Variants in MARCHF5 observed in about 807,000 individuals in gnomAD.
MARCHF5 encodes E3 ubiquitin-protein ligase MARCHF5.
In MARCHF5, 5 loss-of-function variants were observed where a neutral mutation model predicts 36.5. That is an observed-to-expected ratio of 0.14 (90% CI 0.07 to 0.29). The LOEUF (loss-of-function observed/expected upper bound fraction) is 0.29. MARCHF5 is among the 10% of genes least tolerant of loss of function. MARCHF5 has a pLI of 1.00. For missense variants in MARCHF5, 179 were observed against 336.3 expected (o/e 0.53, Z 3.66); for synonymous variants, 103 against 109.9 (o/e 0.94, Z 0.39).
intron 1 of MARCHF5, among the ~76,000 whole-genome samples, chr10:92,307,008 A>G (rs1843081345): frequency 1.3e-5 from 2 of 152,068 alleles, no homozygotes; most frequent in Non-Finnish European, 2.9e-5. Context: ...AGTGAGACTC[A>G]GTCTCAAAAA....
At position 92,349,331 on chromosome 10, in the gene MARCHF5, A is replaced by G. The variant is rs1406009777; in HGVS notation, c.370-18A>G. The stretch of plus-strand genomic sequence containing the variant: ...TTTGAAAAAGAAGTAATTCTAATAT[A>G]TGCTATCTGTTTCACAGGTTGTAGG... On this transcript the variant is annotated intron_variant, in intron 3 of 5. Transcript: ENST00000358935. 3.8e-6 allele frequency: 6 copies of G among 1,568,076 alleles called. No individual in the cohort carries two copies. In the African/African-American group the frequency reaches 4.1e-5, roughly 11 times the overall value.
intron 1 of MARCHF5, among the ~76,000 whole-genome samples, chr10:92,309,140 G>C (rs1843116028): frequency 6.6e-6 from 1 of 152,174 alleles, no homozygotes; most frequent in South Asian, 2.1e-4. Flanking sequence ...AGCAAATATA[G>C]CAGAATAAGA....
chr10:92,348,491 AAAC>A (rs1210114101), intron 3 of MARCHF5, among the ~76,000 whole-genome samples: 1 of 152,176 alleles, frequency 6.6e-6, no homozygotes, highest in East Asian at 1.9e-4. Flanking sequence ...TCCATCTCAA[AAAC>A]AACAACAAAA....
rs564789201 is a variant in MARCHF5, at chr10:92,321,228, G to GT, written c.238+9892dup. On this transcript the variant is annotated intron_variant, in intron 2 of 5. Coordinates refer to ENST00000358935, the MANE Select transcript of MARCHF5 (RefSeq NM_017824.5). Reference sequence around the variant, plus strand: ...GTGGATACCCATCATTGAGTAACACGTGAGTGTATGTTAACTGGGTTTTTC... The same window carrying GT: ...GTGGATACCCATCATTGAGTAACACGTTGAGTGTATGTTAACTGGGTTTTTC... Among the ~76,000 whole-genome samples, 211 of 152,188 alleles carry GT rather than the reference G, an allele frequency of 1.4e-3. 4 individuals are homozygous for GT. Among genetic ancestry groups the GT allele is most frequent in the Non-Finnish European group, 2.3e-3 (156 of 68,038 alleles).
At chr10:92,337,696 A>G (rs1843521023) in intron 2 of MARCHF5, among the ~76,000 whole-genome samples, 1 of 152,038 alleles carries the variant, frequency 6.6e-6, no homozygotes, top group African/African-American at 2.4e-5. Flanking sequence ...AGTAAAGAGT[A>G]GGGAGAAATT....
rs577667057 is a variant in MARCHF5, at chr10:92,336,225, C to T, written c.239-4448C>T. Among the ~76,000 whole-genome samples, 39 of 152,212 alleles carry T rather than the reference C, an allele frequency of 2.6e-4. No homozygotes were observed. In the South Asian group the frequency reaches 7.9e-3, roughly 31 times the overall value. On this transcript the variant is annotated intron_variant, in intron 2 of 5. Coordinates refer to ENST00000358935, the MANE Select transcript of MARCHF5 (RefSeq NM_017824.5). The stretch of plus-strand genomic sequence containing the variant: ...TAATTGTTTGTATTTTTAGTAGAAA[C>T]GGGGTTTCACCATGTTAGCCATGCT...
intron 1 of MARCHF5, among the ~76,000 whole-genome samples, chr10:92,294,648 T>C (rs958769888): frequency 1.3e-5 from 2 of 152,222 alleles, no homozygotes; most frequent in Admixed American, 6.5e-5. Flanking sequence ...CTCAGATAAC[T>C]GTTCATTTGT....
At chr10:92,313,400 C>G (rs1054851663) in intron 2 of MARCHF5, among the ~76,000 whole-genome samples, 1 of 150,806 alleles carries the variant, frequency 6.6e-6, no homozygotes, top group Non-Finnish European at 1.5e-5. Context: ...GTCAGGAGAT[C>G]GAGACCATCC....
chr10:92,317,256 G>A lies in MARCHF5; in HGVS notation c.238+5919G>A, dbSNP rs1161245289. On this transcript the variant is annotated intron_variant, in intron 2 of 5. Transcript: ENST00000358935. ...TGGGATTACAGACATGCGCCAGCAC[G>A]CCTGACTAATTTTTGTATTTTTTGT... is the stretch of plus-strand genomic sequence containing the variant. Among the ~76,000 whole-genome samples, 4 of 151,888 alleles carry A rather than the reference G, an allele frequency of 2.6e-5. No individual in the cohort carries two copies. The East Asian group carries it at 5.8e-4, about 22-fold the overall frequency.
intron 2 of MARCHF5, among the ~76,000 whole-genome samples, chr10:92,336,081 G>T (rs1843499060): frequency 6.6e-6 from 1 of 152,104 alleles, no homozygotes; most frequent in East Asian, 1.9e-4. Flanking sequence ...TGTTGCCCAG[G>T]CTGGAATGCA....
rs752702071 is a variant in MARCHF5, at chr10:92,351,106, G to A, written c.736G>A (p.Val246Ile). 3 of 1,607,618 alleles carry A rather than the reference G, an allele frequency of 1.9e-6. No homozygotes were observed. The highest frequency in any genetic ancestry group is 2.7e-5 in the African/African-American group (2 of 74,752). ...QRTILGGIAF[V>I]AIKGAFKVYF... ...TTTATTTTAGGGTGGAATTGCGTTT[G>A]TTGCCATAAAAGGAGCATTTAAAGT... Residue 246 changes from valine to isoleucine, a missense_variant, in exon 6 of 6, where the codon GTT becomes ATT. By Grantham distance (29) the Val-to-Ile change is conservative (BLOSUM62 3). Coordinates refer to ENST00000358935, the MANE Select transcript of MARCHF5 (RefSeq NM_017824.5).
chr10:92,337,810 A>G (rs1843522053), intron 2 of MARCHF5, among the ~76,000 whole-genome samples: 1 of 151,960 alleles, frequency 6.6e-6, no homozygotes, highest in Admixed American at 6.6e-5. Context: ...GATGGGTGGA[A>G]TATTGGTTGA....
Position 92,322,188 on chromosome 10 carries a change from G to A in MARCHF5, c.238+10851G>A, listed in dbSNP as rs986967402. On this transcript the variant is annotated intron_variant, in intron 2 of 5. Coordinates refer to ENST00000358935, the MANE Select transcript of MARCHF5 (RefSeq NM_017824.5). The stretch of plus-strand genomic sequence containing the variant: ...GAACCCAGGAGGCGAAGGTTTCAGT[G>A]AGCCGAGATCACACCACTGCACTCC... 2.4e-5 allele frequency among the ~76,000 whole-genome samples: 3 copies of A among 125,096 alleles called. No individual in the cohort carries two copies. In the Admixed American group the frequency reaches 2.8e-4, roughly 12 times the overall value. 82.1% of individuals were successfully genotyped at this position (125,096 alleles called of 152,430 possible).
intron 3 of MARCHF5, among the ~76,000 whole-genome samples, chr10:92,344,879 G>A (rs1004776851): frequency 2.0e-5 from 3 of 151,984 alleles, no homozygotes; most frequent in Non-Finnish European, 4.4e-5. Flanking sequence ...TAGCACTGAT[G>A]CATTTAACCC....
chr10:92,302,621 T>G (rs918826817), intron 1 of MARCHF5, among the ~76,000 whole-genome samples: 3 of 152,056 alleles, frequency 2.0e-5, no homozygotes, highest in Non-Finnish European at 4.4e-5. Flanking sequence ...ATTTTGTATT[T>G]TTAGTAGAGA....
At chr10:92,329,623 T>TA (rs558874746) in intron 2 of MARCHF5, among the ~76,000 whole-genome samples, 25 of 152,280 alleles carry the variant, frequency 1.6e-4, no homozygotes, top group Non-Finnish European at 3.2e-4. Flanking sequence ...TTTCACTACC[T>TA]AAAAAACAAA....
rs1253923179 is a variant in MARCHF5 at position 92,352,374 on chromosome 10, G to A, written c.*1167G>A. 1 of 152,142 alleles carries A rather than the reference G, an allele frequency of 6.6e-6. No individual in the cohort carries two copies. The highest frequency in any genetic ancestry group is 1.5e-5 in the Non-Finnish European group (1 of 68,026). The allele number at this position is 152,142 out of a possible 1,614,324, so 9.4% of individuals were successfully genotyped here. ...TTTATTATAGAAAATCAACACTAAT[G>A]TTTTTAGATTTTAATTGTCCTATTG... On this transcript the variant is annotated 3_prime_UTR_variant, in exon 6 of 6. Coordinates refer to ENST00000358935, the MANE Select transcript of MARCHF5 (RefSeq NM_017824.5).
At chr10:92,316,702 A>G (rs1035101032) in intron 2 of MARCHF5, among the ~76,000 whole-genome samples, 3 of 151,824 alleles carry the variant, frequency 2.0e-5, no homozygotes, top group African/African-American at 7.2e-5. Context: ...AGATGGGGTT[A>G]CAGGCACGTG....
At chr10:92,338,126 C>T (rs1843527076) in intron 2 of MARCHF5, among the ~76,000 whole-genome samples, 1 of 151,884 alleles carries the variant, frequency 6.6e-6, no homozygotes, top group South Asian at 2.1e-4. Flanking sequence ...GAGGTCAAGG[C>T]TGCAGTGAGC....
Sources: gnomAD v4.1 joint callset for allele counts (sites outside exome capture counted in the v4.1 genomes callset) on GRCh38, gnomAD v4.1.1 for gene constraint, MANE v1.5 for transcripts, NCBI Gene and HGNC (gene_info 2026-07-23, HGNC 2026-07-21) for gene names.